Variants in CADM2 observed in about 807,000 individuals in gnomAD.
CADM2 encodes immunoglobulin superfamily member 4D.
Under a neutral mutation model 49.8 loss-of-function variants are expected in CADM2, and 12 were observed. The observed-to-expected ratio is 0.24, with a 90% confidence interval of 0.15 to 0.39. The LOEUF (loss-of-function observed/expected upper bound fraction) is 0.39. CADM2 is among the 10% of genes least tolerant of loss of function. CADM2 has a pLI of 1.00. For synonymous variants in CADM2, 214 were observed against 175.4 expected (o/e 1.22, Z -1.74); for missense variants, 378 against 492.3 (o/e 0.77, Z 2.20).
chr3:85,586,298 G>A (rs1027898611), intron 1 of CADM2, among the ~76,000 whole-genome samples: 4 of 151,838 alleles, frequency 2.6e-5, no homozygotes, highest in East Asian at 1.9e-4. Flanking sequence ...CATTTATCCA[G>A]GATAAATCAA....
chr3:85,700,027 C>T (rs1329038167), intron 1 of CADM2, among the ~76,000 whole-genome samples: 1 of 152,144 alleles, frequency 6.6e-6, no homozygotes, highest in Non-Finnish European at 1.5e-5. Context: ...TATAAAGACA[C>T]ATGCACACGT....
In CADM2 at chr3:86,054,847, C is replaced by T. The variant is rs934034552; in HGVS notation, c.971-10758C>T. ...TATCTTTTTAGATTTTCACAGAATA[C>T]ATTGCCAAAATGGATATATGGCAAT... On this transcript the variant is annotated intron_variant, in intron 8 of 9. Transcript: ENST00000383699. 2.0e-5 allele frequency among the ~76,000 whole-genome samples: 3 copies of T among 152,012 alleles called. No homozygotes were observed. The East Asian group carries it at 5.8e-4, about 29-fold the overall frequency.
chr3:85,714,558 C>T (rs1285331089), intron 1 of CADM2, among the ~76,000 whole-genome samples: 1 of 152,002 alleles, frequency 6.6e-6, no homozygotes, highest in African/African-American at 2.4e-5. Context: ...TCCTGAGTAA[C>T]TGGGACTACA....
Position 85,784,378 on chromosome 3 carries a change from A to T in CADM2, c.89-17669A>T, listed in dbSNP as rs188975561. 1.7e-3 allele frequency among the ~76,000 whole-genome samples: 256 copies of T among 147,826 alleles called. 1 individual carries two copies. Among genetic ancestry groups the T allele is most frequent in the Non-Finnish European group, 2.5e-3 (169 of 67,376 alleles). ...TTTTTTATTATAACTTCTTTGAAAG[A>T]GGAATTTTAGTAATGACAATGCAGT... On this transcript the variant is annotated intron_variant, in intron 2 of 9. Coordinates refer to ENST00000383699, the MANE Select transcript of CADM2 (RefSeq NM_001167675.2).
chr3:85,367,311 C>T (rs1486169226), intron 1 of CADM2, among the ~76,000 whole-genome samples: 1 of 151,946 alleles, frequency 6.6e-6, no homozygotes, highest in African/African-American at 2.4e-5. Flanking sequence ...TCTGACACTA[C>T]TGTTAAATAC....
At chr3:85,204,779 A>G (rs1171408927) in intron 1 of CADM2, among the ~76,000 whole-genome samples, 5 of 152,114 alleles carry the variant, frequency 3.3e-5, no homozygotes, top group Non-Finnish European at 7.4e-5. Flanking sequence ...TGACAGAACA[A>G]TAAAAACTAG....
intron 1 of CADM2, among the ~76,000 whole-genome samples, chr3:85,288,125 A>T (rs181028562): frequency 2.6e-5 from 4 of 152,038 alleles, no homozygotes; most frequent in Admixed American, 1.3e-4. Flanking sequence ...AAAATCTCAG[A>T]TCAGGCACTT....
intron 1 of CADM2, among the ~76,000 whole-genome samples, chr3:85,459,046 C>T (rs2038120506): frequency 6.6e-6 from 1 of 151,968 alleles, no homozygotes; most frequent in Admixed American, 6.6e-5. Context: ...TATTGTAGAC[C>T]AAATAATTTA....
chr3:85,883,245 T>G (rs772716735), intron 3 of CADM2, 46 bp from the exon 4 acceptor site: 1 of 1,509,398 alleles, frequency 6.6e-7, no homozygotes, highest in South Asian at 1.2e-5. Flanking sequence ...AAATACTGAC[T>G]GTTTCTGATG....
chr3:85,298,381 T>C (rs1333210250), intron 1 of CADM2, among the ~76,000 whole-genome samples: 1 of 152,060 alleles, frequency 6.6e-6, no homozygotes, highest in Non-Finnish European at 1.5e-5. Context: ...TGAAATGAGA[T>C]CTAATTGCTT....
At chr3:85,115,974 A>G (rs890750897) in intron 1 of CADM2, among the ~76,000 whole-genome samples, 1 of 152,186 alleles carries the variant, frequency 6.6e-6, no homozygotes, top group Non-Finnish European at 1.5e-5. Context: ...CACATTCATG[A>G]TTTTATCTTC....
intron 1 of CADM2, among the ~76,000 whole-genome samples, chr3:85,652,796 T>TTTTTTTTTTTTTG (rs869310296): frequency 7.0e-6 from 1 of 143,426 alleles, no homozygotes; most frequent in African/African-American, 2.6e-5. Flanking sequence ...TTTTTTTTTT[T>TTTTTTTTTTTTTG]AGACAGAGTC....
chr3:85,849,718 GT>G (rs747000776), intron 3 of CADM2, among the ~76,000 whole-genome samples: 2 of 152,062 alleles, frequency 1.3e-5, no homozygotes, highest in African/African-American at 2.4e-5. Context: ...TTATTTATTT[GT>G]TTGTTTTTCT....
intron 1 of CADM2, among the ~76,000 whole-genome samples, chr3:85,504,772 G>T (rs188973652): frequency 4.6e-5 from 7 of 152,176 alleles, no homozygotes; most frequent in African/African-American, 7.2e-5. Flanking sequence ...GCCCACGGAG[G>T]GGGTGGGAGG....
chr3:85,833,270 C>T (rs184785113), intron 3 of CADM2, among the ~76,000 whole-genome samples: 1 of 148,044 alleles, frequency 6.8e-6, no homozygotes, highest in Non-Finnish European at 1.5e-5. Context: ...TATTAGCCTG[C>T]AGTTTTCTTT....
chr3:85,874,050 T>C (rs562435630), intron 3 of CADM2, among the ~76,000 whole-genome samples: 140 of 152,196 alleles, frequency 9.2e-4, no homozygotes, highest in African/African-American at 3.2e-3. Flanking sequence ...ATTTTAATAT[T>C]TTTATTCTTA....
At chr3:85,557,207 T>C (rs1332611812) in intron 1 of CADM2, among the ~76,000 whole-genome samples, 1 of 151,968 alleles carries the variant, frequency 6.6e-6, no homozygotes, top group Non-Finnish European at 1.5e-5. Context: ...AAATTTGGGA[T>C]AAAAACAACA....
chr3:86,034,801 G>T (rs775033973), intron 8 of CADM2, among the ~76,000 whole-genome samples: 14 of 151,910 alleles, frequency 9.2e-5, no homozygotes, highest in Admixed American at 7.2e-4. Flanking sequence ...TCTACCTCTT[G>T]TATTGTCTCT....
At chr3:84,978,092 C>T (rs1191841290) in intron 1 of CADM2, among the ~76,000 whole-genome samples, 3 of 152,044 alleles carry the variant, frequency 2.0e-5, no homozygotes, top group Non-Finnish European at 2.9e-5. Flanking sequence ...TGTATTTGCT[C>T]ATCTAAACAT....
Sources: gnomAD v4.1 joint callset for allele counts (sites outside exome capture counted in the v4.1 genomes callset) on GRCh38, gnomAD v4.1.1 for gene constraint, MANE v1.5 for transcripts, NCBI Gene and HGNC (gene_info 2026-07-23, HGNC 2026-07-21) for gene names.